LINGO2: variants seen among roughly 807,000 people sequenced by gnomAD.
LINGO2 encodes the protein leucine-rich repeat and immunoglobulin-like domain-containing nogo receptor-interacting protein 2.
In LINGO2, 14 loss-of-function variants were observed where a neutral mutation model predicts 30.6. The observed-to-expected ratio is 0.46, with a 90% CI of 0.30 to 0.72. The LOEUF is 0.72. Among genes scored for constraint, LINGO2 ranks in the 30% least tolerant of loss-of-function variants. LINGO2 has a pLI of 0.07. For synonymous variants in LINGO2, 317 were observed against 288.5 expected, an observed-to-expected ratio of 1.10 and a Z score of -1.00; for missense variants, 729 against 751.7, an observed-to-expected ratio of 0.97 and a Z score of 0.35.
intron 1 of LINGO2, among the ~76,000 whole-genome samples, chr9:28,538,747 T>C (rs1238694789): frequency 2.0e-5 from 3 of 152,098 alleles, no homozygotes; most frequent in East Asian, 3.9e-4. Flanking sequence ...TATAGTAGCA[T>C]TAATTCATTC....
At position 28,129,211 on chromosome 9, in the gene LINGO2, C is replaced by T. The variant is rs1290839205; in HGVS notation, c.-86-116806G>A. 6.6e-6 allele frequency among the ~76,000 whole-genome samples: 1 copy of T among 152,180 alleles called. No homozygotes were observed. Among genetic ancestry groups the T allele is most frequent in the Non-Finnish European group, 1.5e-5 (1 of 68,038 alleles). On this transcript the variant is annotated intron_variant, in intron 4 of 5. Transcript: ENST00000379992. This position sits in a 1 kb window ranked among gnomAD's most constrained non-coding sequence, Gnocchi z 4.0. The stretch of plus-strand genomic sequence containing the variant: ...GCTTCCTTGCTCCTCAGCTTGCAGG[C>T]AGCCTATCGTGGGACTTCACCTGGT...
intron 4 of LINGO2, among the ~76,000 whole-genome samples, chr9:28,236,460 G>T (rs991315566): frequency 6.6e-6 from 1 of 152,116 alleles, no homozygotes; most frequent in Non-Finnish European, 1.5e-5. Context: ...GTGTGTATAC[G>T]TTTCCTGACT....
chr9:28,958,231 GTATT>G, the LINGO2 span, among the ~76,000 whole-genome samples: 1 of 152,158 alleles, frequency 6.6e-6, no homozygotes, highest in Admixed American at 6.6e-5. Context: ...AGCTGCAGCT[GTATT>G]TAAGGATTGT....
At chr9:28,800,483 A>T in the LINGO2 span, among the ~76,000 whole-genome samples, 4 of 152,176 alleles carry the variant, frequency 2.6e-5, no homozygotes, top group Non-Finnish European at 5.9e-5. Flanking sequence ...AATTAAAATG[A>T]CATCCAAATC....
intron 4 of LINGO2, among the ~76,000 whole-genome samples, chr9:28,251,501 T>C (rs1480515350): frequency 6.6e-6 from 1 of 152,174 alleles, no homozygotes; most frequent in Non-Finnish European, 1.5e-5. Flanking sequence ...TTAGTTGTCA[T>C]TTATCCTGAA....
chr9:28,984,983 T>A, the LINGO2 span, among the ~76,000 whole-genome samples: 12 of 152,224 alleles, frequency 7.9e-5, no homozygotes, highest in Admixed American at 3.3e-4. Flanking sequence ...AGACCTCCTG[T>A]CTAACTAAGC....
the LINGO2 span, among the ~76,000 whole-genome samples, chr9:28,677,390 T>C: frequency 2.6e-5 from 4 of 152,290 alleles, no homozygotes; most frequent in East Asian, 7.7e-4. Context: ...TATCTGAAGG[T>C]ATGGGCTATT....
intron 4 of LINGO2, among the ~76,000 whole-genome samples, chr9:28,263,673 A>G (rs1822645690): frequency 6.6e-6 from 1 of 152,016 alleles, no homozygotes; most frequent in African/African-American, 2.4e-5. Context: ...CCACGTATGT[A>G]GTGTGGTTGA....
At chr9:29,210,776 C>T in the LINGO2 span, among the ~76,000 whole-genome samples, 1 of 152,152 alleles carries the variant, frequency 6.6e-6, no homozygotes, top group Non-Finnish European at 1.5e-5. Flanking sequence ...CTTCTGCCAT[C>T]AATAGGCAAT....
At chr9:28,318,159 A>C (rs1304388386) in intron 3 of LINGO2, among the ~76,000 whole-genome samples, 1 of 152,158 alleles carries the variant, frequency 6.6e-6, no homozygotes, top group Non-Finnish European at 1.5e-5. Context: ...TCGGAACAAG[A>C]ATGACTCAAA....
intron 1 of LINGO2, among the ~76,000 whole-genome samples, chr9:28,642,480 A>C (rs1443253601): frequency 6.6e-6 from 1 of 152,196 alleles, no homozygotes; most frequent in African/African-American, 2.4e-5. Flanking sequence ...CTTTGAAACA[A>C]GCATGACAAT....
At chr9:28,631,546 G>A (rs1005207953) in intron 1 of LINGO2, among the ~76,000 whole-genome samples, 1 of 152,100 alleles carries the variant, frequency 6.6e-6, no homozygotes, top group Admixed American at 6.6e-5. Flanking sequence ...TGTCAAAGAT[G>A]GTTGTAGATG....
chr9:28,605,587 A>G (rs1478609661), intron 1 of LINGO2, among the ~76,000 whole-genome samples: 7 of 152,068 alleles, frequency 4.6e-5, no homozygotes, highest in African/African-American at 1.7e-4. Flanking sequence ...TTGTAACACC[A>G]AGTAACAAGG....
chr9:28,092,734 A>G (rs1826132885), intron 4 of LINGO2, among the ~76,000 whole-genome samples: 1 of 151,924 alleles, frequency 6.6e-6, no homozygotes, highest in South Asian at 2.1e-4. Context: ...AGTAATTAAA[A>G]AAGAAAAAAC....
chr9:28,819,338 C>T, the LINGO2 span, among the ~76,000 whole-genome samples: 1 of 152,094 alleles, frequency 6.6e-6, no homozygotes, highest in Non-Finnish European at 1.5e-5. Flanking sequence ...TAATCTCCAC[C>T]CATCATCCTT....
the LINGO2 span, among the ~76,000 whole-genome samples, chr9:28,856,188 A>G: frequency 6.6e-6 from 1 of 152,028 alleles, no homozygotes; most frequent in Non-Finnish European, 1.5e-5. Flanking sequence ...ATTTTGTTGT[A>G]ATTATAAAAG....
intron 3 of LINGO2, among the ~76,000 whole-genome samples, chr9:28,323,280 A>G (rs897323667): frequency 6.6e-6 from 1 of 152,210 alleles, no homozygotes; most frequent in African/African-American, 2.4e-5. Context: ...GCCTTTTGAT[A>G]TAACTATATT....
At chr9:28,984,394 T>TA in the LINGO2 span, among the ~76,000 whole-genome samples, 1 of 152,060 alleles carries the variant, frequency 6.6e-6, no homozygotes, top group Non-Finnish European at 1.5e-5. Flanking sequence ...CGTTCACACT[T>TA]AAAAAAATCT....
chr9:29,139,088 G>A, the LINGO2 span, among the ~76,000 whole-genome samples: 2 of 152,142 alleles, frequency 1.3e-5, no homozygotes, highest in Admixed American at 1.3e-4. Context: ...CAGCCTTTAT[G>A]GAGACGCTTA....
Sources: allele counts gnomAD v4.1 joint callset (sites outside exome capture counted in the v4.1 genomes callset), GRCh38; gene constraint gnomAD v4.1.1; non-coding constraint Gnocchi (gnomAD v3.1); transcripts MANE v1.5; gene names NCBI Gene and HGNC (gene_info 2026-07-23, HGNC 2026-07-21).